The following CCDC91 variants were observed in gnomAD, a reference collection of about 807,000 sequenced individuals.
CCDC91 encodes the protein coiled-coil domain-containing protein 91.
CCDC91 carries 48 observed loss-of-function variants against 63.2 expected under a neutral mutation model. That is an observed-to-expected ratio of 0.76 (90% CI 0.60 to 0.97). The LOEUF (loss-of-function observed/expected upper bound fraction) is 0.97, where lower values mean the gene tolerates loss of function less well. Among genes scored for constraint, CCDC91 ranks in the 50% least tolerant of loss-of-function variants. The pLI is 0.00. For missense variants in CCDC91, 500 were observed against 494.6 expected (o/e 1.01, Z -0.10); for synonymous variants, 167 against 165.8 (o/e 1.01, Z -0.06).
At chr12:28,545,011 T>G (rs1179855480) in intron 12 of CCDC91, among the ~76,000 whole-genome samples, 1 of 152,058 alleles carries the variant, frequency 6.6e-6, no homozygotes, top group Non-Finnish European at 1.5e-5. Context: ...GTTGTCTATT[T>G]CAGAAACTTC....
At chr12:28,343,070 G>A (rs1383571457) in intron 6 of CCDC91, among the ~76,000 whole-genome samples, 2 of 151,992 alleles carry the variant, frequency 1.3e-5, no homozygotes, top group African/African-American at 2.4e-5. Context: ...TATGTTTGGT[G>A]GGGATGGGGA....
intron 8 of CCDC91, among the ~76,000 whole-genome samples, chr12:28,432,083 A>T (rs1038911012): frequency 5.3e-5 from 8 of 151,774 alleles, no homozygotes; most frequent in African/African-American, 1.2e-4. Flanking sequence ...TTTTTAAATT[A>T]AATTTAATTT....
At chr12:28,333,267 T>A (rs1941654757) in intron 6 of CCDC91, among the ~76,000 whole-genome samples, 1 of 151,756 alleles carries the variant, frequency 6.6e-6, no homozygotes, top group Non-Finnish European at 1.5e-5. Context: ...TGGTGGCAAG[T>A]GCCTGTAGTC....
intron 3 of CCDC91, among the ~76,000 whole-genome samples, chr12:28,303,839 C>T (rs1938353773): frequency 6.6e-6 from 1 of 152,008 alleles, no homozygotes; most frequent in South Asian, 2.1e-4. Flanking sequence ...TGCTCTTAAT[C>T]ACAAGGCTGT....
chr12:28,314,704 TAATA>T lies in CCDC91; in HGVS notation c.576+6959_576+6962del, dbSNP rs1200470305. 2.6e-4 allele frequency among the ~76,000 whole-genome samples: 39 copies of T among 152,176 alleles called. 1 individual carries two copies. Among genetic ancestry groups the T allele is most frequent in the Non-Finnish European group, 4.6e-4 (31 of 67,948 alleles). On this transcript the variant is annotated intron_variant, in intron 6 of 12. Transcript: ENST00000536442. Reference sequence around the variant, plus strand: ...GTAGTCTGACAAGAGAAAGAGTAATTAATAAATGGAATGTGTGTAAAAAATGAAA... The same window carrying T: ...GTAGTCTGACAAGAGAAAGAGTAATTAATGGAATGTGTGTAAAAAATGAAA...
In CCDC91 at chr12:28,478,237, C is replaced by T. The variant is rs989467613; in HGVS notation, c.1102-5815C>T. On this transcript the variant is annotated intron_variant, in intron 11 of 12. Coordinates refer to ENST00000536442, the MANE Select transcript of CCDC91 (RefSeq NM_018318.5). Reference sequence around the variant, plus strand: ...TACTCCAAGGCTGCAATAACCAAAACAGCATGGTACTGTTACCAAAACAGA... The same window carrying T: ...TACTCCAAGGCTGCAATAACCAAAATAGCATGGTACTGTTACCAAAACAGA... 3.9e-5 allele frequency among the ~76,000 whole-genome samples: 6 copies of T among 152,276 alleles called. 1 individual carries two copies. The highest frequency in any genetic ancestry group is 1.2e-4 in the African/African-American group (5 of 41,556).
chr12:28,215,769 A>G (rs1943524258), intron 1 of CCDC91, among the ~76,000 whole-genome samples: 1 of 152,140 alleles, frequency 6.6e-6, no homozygotes, highest in Admixed American at 6.6e-5. Context: ...GTATATGAAC[A>G]TTTAACAAAA....
chr12:28,290,526 G>A (rs1264895824), intron 3 of CCDC91, among the ~76,000 whole-genome samples: 4 of 152,168 alleles, frequency 2.6e-5, no homozygotes, highest in African/African-American at 7.2e-5. Context: ...ACTGAAATGT[G>A]TGGATTTGAT....
chr12:28,212,947 A>ATT (rs1943327095), intron 1 of CCDC91, among the ~76,000 whole-genome samples: 2 of 152,350 alleles, frequency 1.3e-5, no homozygotes, highest in South Asian at 4.1e-4. Flanking sequence ...CTCACAGTCA[A>ATT]TTATTTAAGA....
intron 12 of CCDC91, among the ~76,000 whole-genome samples, chr12:28,541,506 G>A (rs1942628041): frequency 6.6e-6 from 1 of 152,082 alleles, no homozygotes; most frequent in Non-Finnish European, 1.5e-5. Flanking sequence ...AGGATACATA[G>A]TAATTGACAG....
intron 1 of CCDC91, chr12:28,236,958 C>G (rs1944988864): frequency 6.6e-6 from 1 of 151,606 alleles, no homozygotes; most frequent in Non-Finnish European, 1.5e-5. Context: ...TTTTATGTCC[C>G]CCTTTAATCT....
chr12:28,291,920 C>T (rs1171051792), intron 3 of CCDC91, among the ~76,000 whole-genome samples: 3 of 152,140 alleles, frequency 2.0e-5, no homozygotes. Flanking sequence ...CAATGGCCAG[C>T]CACTGTGATC....
chr12:28,313,333 T>C (rs1171480078), intron 6 of CCDC91, among the ~76,000 whole-genome samples: 1 of 152,014 alleles, frequency 6.6e-6, no homozygotes, highest in East Asian at 1.9e-4. Context: ...ATAAAAATAG[T>C]ATGTGTAGTC....
intron 1 of CCDC91, among the ~76,000 whole-genome samples, chr12:28,202,248 A>T (rs1356527587): frequency 6.6e-6 from 1 of 152,194 alleles, no homozygotes; most frequent in East Asian, 1.9e-4. Context: ...TTGTCTCATA[A>T]GTCCAATGTC....
chr12:28,493,825 A>G (rs761985815), intron 12 of CCDC91, among the ~76,000 whole-genome samples: 3 of 151,740 alleles, frequency 2.0e-5, no homozygotes, highest in African/African-American at 7.2e-5. Context: ...GTGGCACCCA[A>G]CCACAAGACA....
In CCDC91 at chr12:28,379,017, A is replaced by C. The variant is rs1307236707; in HGVS notation, c.655-12287A>C. Among the ~76,000 whole-genome samples the C allele has an allele frequency of 2.0e-5, 3 of 152,086 alleles. No homozygotes were observed. The East Asian group carries it at 5.8e-4, about 29-fold the overall frequency. On this transcript the variant is annotated intron_variant, in intron 7 of 12. Transcript: ENST00000536442. ...AAACCTTGCCAGAAGCCTCATTCTAATATAGATTTAAAGCTTGCCTTTATA... is the reference window on the plus strand; with the variant it reads ...AAACCTTGCCAGAAGCCTCATTCTACTATAGATTTAAAGCTTGCCTTTATA...
intron 1 of CCDC91, among the ~76,000 whole-genome samples, chr12:28,207,241 GTCT>G: frequency 6.6e-6 from 1 of 152,316 alleles, no homozygotes; most frequent in Non-Finnish European, 1.5e-5. Context: ...CAAGGATGCT[GTCT>G]TCTTCTGGGG....
At chr12:28,242,452 CAT>C (rs1945409364) in intron 1 of CCDC91, among the ~76,000 whole-genome samples, 2 of 152,118 alleles carry the variant, frequency 1.3e-5, no homozygotes, top group South Asian at 4.1e-4. Flanking sequence ...CACAACCAAA[CAT>C]AGGAAATAAC....
At chr12:28,257,092 A>G in intron 1 of CCDC91, 110 bp from the exon 2 acceptor site, 1 of 624,990 alleles carries the variant, frequency 1.6e-6, no homozygotes, top group Non-Finnish European at 2.7e-6. Context: ...ATGCATAGAC[A>G]GTTAGAAATT....
Sources: allele counts gnomAD v4.1 joint callset (sites outside exome capture counted in the v4.1 genomes callset), GRCh38; gene constraint gnomAD v4.1.1; transcripts MANE v1.5; gene names NCBI Gene and HGNC (gene_info 2026-07-23, HGNC 2026-07-21).